The following FOXO3 variants were observed in gnomAD, a reference collection of about 807,000 sequenced individuals.
The protein encoded by FOXO3 is forkhead box O3, also known as forkhead box protein O3.
In FOXO3, 4 loss-of-function variants were observed where a neutral mutation model predicts 41.9. The observed-to-expected ratio is 0.10, with a 90% CI of 0.05 to 0.22. The LOEUF is 0.22. Ranked by LOEUF, FOXO3 falls within the 10% of genes least tolerant of loss-of-function variation. The pLI, the probability that FOXO3 is intolerant of heterozygous loss-of-function variation, is 1.00. For synonymous variants in FOXO3, 318 were observed against 389.3 expected (o/e 0.82, Z 2.16); for missense variants, 534 against 906.8 (o/e 0.59, Z 5.28).
intron 1 of FOXO3, among the ~76,000 whole-genome samples, chr6:108,653,161 C>G (rs1424340844): frequency 6.6e-6 from 1 of 152,224 alleles, no homozygotes; most frequent in Admixed American, 6.5e-5. Context: ...TTACTTCCAT[C>G]TTCACTCATG....
rs143546022 is a variant in FOXO3, at chr6:108,586,936, ATATTATTATTATTATTAT to A, written c.621+25142_621+25159del. On this transcript the variant is annotated intron_variant, in intron 1 of 2. Coordinates refer to ENST00000406360, the MANE Select transcript of FOXO3 (RefSeq NM_001455.4). ...ATTCTCACTATAAACCTGAACGTAA[ATATTATTATTATTATTAT>A]TATTATTATTATTATTATTATTATT... Among the ~76,000 whole-genome samples the A allele has an allele frequency of 3.8e-3, 509 of 133,618 alleles. 13 individuals are homozygous for A. In the East Asian group the frequency reaches 0.039, roughly 10 times the overall value. The allele number at this position is 133,618 out of a possible 152,430, so 87.7% of individuals were successfully genotyped here.
rs78224425 is a variant in FOXO3 at position 108,647,856 on chromosome 6, T to C, written c.622-15599T>C. Among the ~76,000 whole-genome samples the C allele has an allele frequency of 2.9e-3, 448 of 152,340 alleles. 13 individuals carry two copies. The East Asian group carries it at 0.08, about 27-fold the overall frequency. On this transcript the variant is annotated intron_variant, in intron 1 of 2. Coordinates refer to ENST00000406360, the MANE Select transcript of FOXO3 (RefSeq NM_001455.4). ...TTAATAAGCTAGAAAATTAACTCTT[T>C]TTTTGGAAACTTGGAGAGAGTCTAT...
intron 1 of FOXO3, among the ~76,000 whole-genome samples, chr6:108,648,584 CCTT>C: frequency 6.6e-6 from 1 of 152,172 alleles, no homozygotes; most frequent in South Asian, 2.1e-4. Flanking sequence ...ATCTTGTATT[CCTT>C]CTTATTTTAC....
At chr6:108,617,495 A>G (rs1333178088) in intron 1 of FOXO3, among the ~76,000 whole-genome samples, 10 of 152,116 alleles carry the variant, frequency 6.6e-5, no homozygotes, top group African/African-American at 2.4e-4. Flanking sequence ...GTTTATCCCT[A>G]GATAAAGACA....
intron 1 of FOXO3, among the ~76,000 whole-genome samples, chr6:108,647,380 G>A (rs946058112): frequency 6.6e-6 from 1 of 152,194 alleles, no homozygotes; most frequent in African/African-American, 2.4e-5. Context: ...CTGGTGTCCT[G>A]CTGCCTAAGT....
chr6:108,642,672 G>A (rs991238314), intron 1 of FOXO3, among the ~76,000 whole-genome samples: 5 of 152,076 alleles, frequency 3.3e-5, no homozygotes, highest in Admixed American at 6.6e-5. Context: ...AAAAAAGTTC[G>A]GCAGCTCTCA....
chr6:108,599,753 A>G (rs1455653312), intron 1 of FOXO3, among the ~76,000 whole-genome samples: 1 of 152,146 alleles, frequency 6.6e-6, no homozygotes, highest in Non-Finnish European at 1.5e-5. Context: ...CCCCACATCC[A>G]CCATATATCA....
intron 1 of FOXO3, among the ~76,000 whole-genome samples, chr6:108,638,511 A>G (rs1341748125): frequency 6.6e-6 from 1 of 152,204 alleles, no homozygotes; most frequent in Non-Finnish European, 1.5e-5. Flanking sequence ...CATTTCTAAA[A>G]TGATGGGCTT....
chr6:108,648,739 A>C (rs1048710560), intron 1 of FOXO3, among the ~76,000 whole-genome samples: 3 of 152,160 alleles, frequency 2.0e-5, no homozygotes, highest in African/African-American at 7.2e-5. Flanking sequence ...TCACACCTGT[A>C]ATCCCAGCAC....
chr6:108,648,736 T>A (rs930178205), intron 1 of FOXO3, among the ~76,000 whole-genome samples: 7 of 152,102 alleles, frequency 4.6e-5, no homozygotes, highest in African/African-American at 1.7e-4. Flanking sequence ...GGCTCACACC[T>A]GTAATCCCAG....
At chr6:108,651,626 C>G (rs1000954275) in intron 1 of FOXO3, among the ~76,000 whole-genome samples, 2 of 152,212 alleles carry the variant, frequency 1.3e-5, no homozygotes, top group Non-Finnish European at 2.9e-5. Context: ...GGATTGTAAA[C>G]TAAGAACAGA....
intron 1 of FOXO3, among the ~76,000 whole-genome samples, chr6:108,586,303 TG>T (rs2128361588): frequency 6.6e-6 from 1 of 152,284 alleles, no homozygotes; most frequent in Non-Finnish European, 1.5e-5. Context: ...TGCCTTTAAA[TG>T]AAAACAGAAG....
intron 1 of FOXO3, among the ~76,000 whole-genome samples, chr6:108,610,262 T>C (rs901656406): frequency 8.5e-5 from 13 of 152,210 alleles, no homozygotes; most frequent in African/African-American, 2.9e-4. Flanking sequence ...GTTTTTGTAA[T>C]TTTAAAATAA....
In FOXO3 at chr6:108,595,561, T is replaced by G. The variant is rs559755506; in HGVS notation, c.621+33732T>G. The stretch of plus-strand genomic sequence containing the variant: ...AGTTTCTGTAACTTTTATTATTTTA[T>G]GTTCTCTCTCATAGAAGTGTATGTT... On this transcript the variant is annotated intron_variant, in intron 1 of 2. Coordinates refer to ENST00000406360, the MANE Select transcript of FOXO3 (RefSeq NM_001455.4). Among the ~76,000 whole-genome samples, 8 of 152,308 alleles carry G rather than the reference T, an allele frequency of 5.3e-5. No individual in the cohort carries two copies. The East Asian group carries it at 1.5e-3, about 29-fold the overall frequency.
intron 1 of FOXO3, among the ~76,000 whole-genome samples, chr6:108,588,697 T>C (rs1776653050): frequency 6.6e-6 from 1 of 152,204 alleles, no homozygotes; most frequent in African/African-American, 2.4e-5. Context: ...CCTCGCTGAC[T>C]GGGAAACAAT....
At chr6:108,669,914 G>A (rs1343090923) in intron 2 of FOXO3, among the ~76,000 whole-genome samples, 3 of 152,170 alleles carry the variant, frequency 2.0e-5, no homozygotes, top group Non-Finnish European at 2.9e-5. Flanking sequence ...CTTCTGTCCA[G>A]AGAGCTCATG....
In FOXO3 at chr6:108,622,738, C is replaced by A. The variant is rs1202364227; in HGVS notation, c.622-40717C>A. On this transcript the variant is annotated intron_variant, in intron 1 of 2. Transcript: ENST00000406360. ...ATCTTACACATCAGTTTCCACGGAT[C>A]CCATGTGAATCAGTTGTCTTCCTCA... Among the ~76,000 whole-genome samples the A allele has an allele frequency of 2.6e-5, 4 of 152,070 alleles. No individual in the cohort carries two copies. In the East Asian group the frequency reaches 7.8e-4, roughly 29 times the overall value.
At chr6:108,592,626 T>C (rs1418458454) in intron 1 of FOXO3, among the ~76,000 whole-genome samples, 2 of 152,068 alleles carry the variant, frequency 1.3e-5, no homozygotes, top group Non-Finnish European at 2.9e-5. Flanking sequence ...GGAATGGAGG[T>C]GTGGTGGAAG....
intron 1 of FOXO3, among the ~76,000 whole-genome samples, chr6:108,635,467 A>G (rs1562252358): frequency 6.6e-6 from 1 of 152,170 alleles, no homozygotes; most frequent in Non-Finnish European, 1.5e-5. Flanking sequence ...CACAATACTA[A>G]GATTTGCTAA....
Sources: allele counts gnomAD v4.1 joint callset (sites outside exome capture counted in the v4.1 genomes callset), GRCh38; gene constraint gnomAD v4.1.1; transcripts MANE v1.5; gene names NCBI Gene and HGNC (gene_info 2026-07-23, HGNC 2026-07-21).